Variants in ZNF518A observed in about 807,000 individuals in gnomAD.
The protein encoded by ZNF518A is zinc finger protein 518.
In ZNF518A, 47 loss-of-function variants were observed where a neutral mutation model predicts 102.7. That is an observed-to-expected ratio of 0.46 (90% CI 0.36 to 0.58). ZNF518A has a LOEUF of 0.58. Ranked by LOEUF, ZNF518A falls within the 20% of genes least tolerant of loss-of-function variation. The pLI, the probability that ZNF518A is intolerant of heterozygous loss-of-function variation, is 0.00. For missense variants in ZNF518A, 1,793 were observed against 1,699.8 expected, an observed-to-expected ratio of 1.05 and a Z score of -0.96; for synonymous variants, 652 against 594.6, an observed-to-expected ratio of 1.10 and a Z score of -1.40.
At chr10:96,178,571 A>C (rs782612657) in intron 1 of ZNF518A, among the ~76,000 whole-genome samples, 3 of 152,052 alleles carry the variant, frequency 2.0e-5, no homozygotes, top group African/African-American at 4.8e-5. Flanking sequence ...AATTAAACCT[A>C]AAATGAGCAG....
At position 96,140,983 on chromosome 10, in the gene ZNF518A, CTG is replaced by C. The variant is rs587727850; in HGVS notation, c.-302+7339_-302+7340del. On this transcript the variant is annotated intron_variant, in intron 3 of 5. Coordinates refer to ENST00000316045, the MANE Select transcript of ZNF518A (RefSeq NM_001330736.2). ...GGGGTTGTGGGAGTGATTTCTGACTCTGTGTTTTAAACCAAGTTCCAAATTAT... is the reference window on the plus strand; with the variant it reads ...GGGGTTGTGGGAGTGATTTCTGACTCTGTTTTAAACCAAGTTCCAAATTAT... Among the ~76,000 whole-genome samples the C allele has an allele frequency of 1.2e-3, 182 of 152,220 alleles. 1 individual carries two copies. Among genetic ancestry groups the C allele is most frequent in the African/African-American group, 4.1e-3 (171 of 41,544 alleles).
At chr10:96,170,168 G>A (rs2083165485) in intron 1 of ZNF518A, among the ~76,000 whole-genome samples, 1 of 152,198 alleles carries the variant, frequency 6.6e-6, no homozygotes. Context: ...GTATGTTAAA[G>A]CTTTACAAAG....
At chr10:96,168,466 A>C (rs1282838041), downstream of ZNF518A, among the ~76,000 whole-genome samples, 29 of 146,854 alleles carry the variant, frequency 2.0e-4, no homozygotes, top group Admixed American at 6.1e-4. Context: ...TGTGAGTTCG[A>C]GTTACTGTCT....
At chr10:96,181,610 A>C (rs587720521) in intron 1 of ZNF518A, among the ~76,000 whole-genome samples, 2 of 152,054 alleles carry the variant, frequency 1.3e-5, no homozygotes, top group African/African-American at 4.8e-5. Flanking sequence ...TCCTTTCCCC[A>C]TTTCTTGTTT....
chr10:96,199,982 C>T (rs147008878), intron 1 of ZNF518A: 20 of 889,556 alleles, frequency 2.2e-5, no homozygotes, highest in African/African-American at 8.9e-5. Flanking sequence ...GAGCTGAGAT[C>T]GAGCCACTGC....
intron 1 of ZNF518A, among the ~76,000 whole-genome samples, chr10:96,191,024 G>A (rs1413293774): frequency 6.6e-6 from 1 of 152,148 alleles, no homozygotes; most frequent in Admixed American, 6.5e-5. Flanking sequence ...GAGGGACCTG[G>A]TGGGAGGTAA....
downstream of ZNF518A, among the ~76,000 whole-genome samples, chr10:96,167,451 CAAAA>C (rs2083148365): frequency 6.6e-6 from 1 of 152,038 alleles, no homozygotes; most frequent in Non-Finnish European, 1.5e-5. Flanking sequence ...GACTCCACCT[CAAAA>C]TAAATAAGTA....
intron 1 of ZNF518A, among the ~76,000 whole-genome samples, chr10:96,177,873 G>C (rs1372831376): frequency 1.3e-5 from 2 of 151,764 alleles, no homozygotes; most frequent in Admixed American, 1.3e-4. Context: ...ATGATACTAG[G>C]GATAAAAAGA....
At position 96,136,795 on chromosome 10, in the gene ZNF518A, T is replaced by A. The variant is rs1564741757; in HGVS notation, c.-302+3147T>A. Among the ~76,000 whole-genome samples the A allele has an allele frequency of 2.0e-5, 3 of 152,352 alleles. No individual in the cohort carries two copies. In the South Asian group the frequency reaches 6.2e-4, roughly 32 times the overall value. ...TCATTGTCTCATTAAATGCTGTAGT[T>A]TCCTATGTCCTTGCCTACCTTCTTT... is the stretch of plus-strand genomic sequence containing the variant. On this transcript the variant is annotated intron_variant, in intron 3 of 5. Transcript: ENST00000316045.
At position 96,162,040 on chromosome 10, in the gene ZNF518A, GT is replaced by G. The variant is rs2083020445; in HGVS notation, c.*1268del. On this transcript the variant is annotated 3_prime_UTR_variant, in exon 6 of 6. Coordinates refer to ENST00000316045, the MANE Select transcript of ZNF518A (RefSeq NM_001330736.2). ...TTTTGCTGGTTCTTTGGATAATGGA[GT>G]TCTTGTGTTAACAAATTACGTGCTA... 6.0e-6 allele frequency: 1 copy of G among 166,916 alleles called. No homozygotes were observed. Among genetic ancestry groups the G allele is most frequent in the African/African-American group, 2.4e-5 (1 of 41,424 alleles). The allele number at this position is 166,916 out of a possible 1,614,324, so 10.3% of individuals were successfully genotyped here.
rs76491189 is a variant in ZNF518A, at chr10:96,134,780, A to G, written c.-302+1132A>G. Among the ~76,000 whole-genome samples the G allele has an allele frequency of 2.2e-3, 328 of 152,360 alleles. 5 individuals are homozygous for G. In the East Asian group the frequency reaches 0.045, roughly 21 times the overall value. ...AACAAGTGTCAGAATATTAGAATGA[A>G]GGTACATGATGTGAAGTTTCAGAAA... On this transcript the variant is annotated intron_variant, in intron 3 of 5. Coordinates refer to ENST00000316045, the MANE Select transcript of ZNF518A (RefSeq NM_001330736.2).
chr10:96,183,473 G>A (rs782370534), intron 1 of ZNF518A, among the ~76,000 whole-genome samples: 33 of 151,996 alleles, frequency 2.2e-4, no homozygotes, highest in Non-Finnish European at 4.4e-4. Context: ...TTCCCTCTAC[G>A]CACTGCTTTA....
chr10:96,152,560 C>T (rs183207495), intron 3 of ZNF518A, among the ~76,000 whole-genome samples: 1 of 152,300 alleles, frequency 6.6e-6, no homozygotes, highest in African/African-American at 2.4e-5. Flanking sequence ...GATACATACA[C>T]AGTCATACCT....
chr10:96,158,149 A>G lies in ZNF518A; in HGVS notation c.1827A>G (p.Ala609=), dbSNP rs1224055022. ...DKVNCVAKPN[A]YNSGDMHNYC... ...TCAACTGTGTTGCCAAACCAAATGC[A>G]TACAACAGTGGAGATATGCATAATT... The change falls in exon 6 of 6, where the codon GCA becomes GCG. Residue 609 remains alanine, a synonymous_variant. Coordinates refer to ENST00000316045, the MANE Select transcript of ZNF518A (RefSeq NM_001330736.2). 2 of 1,613,504 alleles carry G rather than the reference A, an allele frequency of 1.2e-6. No homozygotes were observed. The highest frequency in any genetic ancestry group is 1.3e-5 in the African/African-American group (1 of 74,926).
In ZNF518A at chr10:96,159,385, TTG is replaced by T. The variant is rs1554886004; in HGVS notation, c.3065_3066del (p.Cys1022SerfsTer18). Reference protein sequence around the residue: ...PILKVEPNNNCLTPGLCSSIG... With the variant: ...PILKVEPNNNXLTPGLCSSIG... ...TTTTGAAGGTAGAACCAAACAATAA[TTG>T]TCTTACACCTGGACTTTGTTCCAGC... On this transcript the variant is annotated frameshift_variant, in exon 6 of 6. Transcript: ENST00000316045. LOFTEE classifies it high-confidence loss of function. The T allele has an allele frequency of 1.2e-6, 2 of 1,613,816 alleles. No homozygotes were observed. The highest frequency in any genetic ancestry group is 1.7e-6 in the Non-Finnish European group (2 of 1,179,790).
At position 96,158,085 on chromosome 10, in the gene ZNF518A, C is replaced by T. The variant is rs1554884180; in HGVS notation, c.1763C>T (p.Pro588Leu). 4 of 1,613,394 alleles carry T rather than the reference C, an allele frequency of 2.5e-6. No homozygotes were observed. The highest frequency in any genetic ancestry group is 3.3e-5 in the Admixed American group (2 of 59,878). Residue 588 changes from proline to leucine, a missense_variant, in exon 6 of 6, where the codon CCC becomes CTC. By Grantham distance (98) the Pro-to-Leu change is moderately conservative (BLOSUM62 -3). Around this residue, in one of 3 missense-constraint regions of ZNF518A, gnomAD observed 1,741 missense variants for 1,622.6 expected, o/e 1.07. Coordinates refer to ENST00000316045, the MANE Select transcript of ZNF518A (RefSeq NM_001330736.2). ...FWGNHLTQSH[P>L]EVLGTTIKSP... ...GGAAATCATCTCACTCAGAGTCACC[C>T]CGAGGTATTAGGTACCACCATTAAA...
At position 96,156,872 on chromosome 10, in the gene ZNF518A, A is replaced by G; in HGVS notation, c.550A>G (p.Asn184Asp). The G allele has an allele frequency of 1.2e-6, 2 of 1,613,858 alleles. No individual in the cohort carries two copies. Among genetic ancestry groups the G allele is most frequent in the South Asian group, 2.2e-5 (2 of 91,076 alleles). The change falls in exon 6 of 6, where the codon AAT (asparagine) becomes GAT (aspartate). Residue 184 changes from asparagine to aspartate, a missense_variant. Around this residue, in one of 3 missense-constraint regions of ZNF518A, gnomAD observed 1,741 missense variants for 1,622.6 expected, o/e 1.07. Coordinates refer to ENST00000316045, the MANE Select transcript of ZNF518A (RefSeq NM_001330736.2). ...STLVKCDICN[N>D]ESVYTLLNLT... Reference sequence around the variant, plus strand: ...TTTAGTAAAATGTGACATTTGTAACAATGAGAGTGTATATACTTTACTGAA... The same window carrying G: ...TTTAGTAAAATGTGACATTTGTAACGATGAGAGTGTATATACTTTACTGAA...
At chr10:96,189,412 T>C in intron 1 of ZNF518A, 1 of 597,474 alleles carries the variant, frequency 1.7e-6, no homozygotes. Context: ...TGGTCAGTTG[T>C]CCGGAAGCAA....
intron 3 of ZNF518A, among the ~76,000 whole-genome samples, chr10:96,140,812 A>G (rs2081883088): frequency 6.6e-6 from 1 of 151,980 alleles, no homozygotes; most frequent in Non-Finnish European, 1.5e-5. Context: ...ATGGTGGTGC[A>G]TACCTATAGT....
Sources: gnomAD v4.1 joint callset for allele counts (sites outside exome capture counted in the v4.1 genomes callset) on GRCh38, gnomAD v4.1.1 for gene constraint, gnomAD v4.1.1 regional missense constraint, MANE v1.5 for transcripts, NCBI Gene and HGNC (gene_info 2026-07-23, HGNC 2026-07-21) for gene names.